SEMA4D: variants seen among roughly 807,000 people sequenced by gnomAD.
The protein encoded by SEMA4D is semaphorin-4D.
In SEMA4D, 22 loss-of-function variants were observed where a neutral mutation model predicts 74.8. The ratio of observed to expected loss-of-function variants is 0.29; its 90% confidence interval spans 0.21 to 0.42. The LOEUF (loss-of-function observed/expected upper bound fraction) is 0.42. Among genes scored for constraint, SEMA4D ranks in the 10% least tolerant of loss-of-function variants. The pLI, the probability that SEMA4D is intolerant of heterozygous loss-of-function variation, is 1.00. For synonymous variants in SEMA4D, 445 were observed against 463.7 expected (o/e 0.96, Z 0.52); for missense variants, 937 against 1,118.4 (o/e 0.84, Z 2.31).
intron 2 of SEMA4D, among the ~76,000 whole-genome samples, chr9:89,414,100 G>A (rs779338428): frequency 6.6e-6 from 1 of 152,212 alleles, no homozygotes; most frequent in Non-Finnish European, 1.5e-5. Flanking sequence ...TGGCAGCTAG[G>A]GTAGATTACA....
At chr9:89,460,446 TTCTTAC>T (rs1184497154) in intron 1 of SEMA4D, among the ~76,000 whole-genome samples, 5 of 152,356 alleles carry the variant, frequency 3.3e-5, no homozygotes, top group South Asian at 2.1e-4. Context: ...AGAAAGCCTC[TTCTTAC>T]TAAGTCTGGA....
chr9:89,447,646 C>A (rs953377857), intron 2 of SEMA4D, among the ~76,000 whole-genome samples: 1 of 152,186 alleles, frequency 6.6e-6, no homozygotes, highest in Admixed American at 6.5e-5. Flanking sequence ...CACCTCACAG[C>A]CTAACCGGGT....
At chr9:89,391,483 C>G in intron 8 of SEMA4D, 68 bp from the exon 9 acceptor site, 1 of 1,539,330 alleles carries the variant, frequency 6.5e-7, no homozygotes, top group South Asian at 1.1e-5. Flanking sequence ...CATGAGGTCA[C>G]GAGGCCGGCC....
At chr9:89,495,973 G>C (rs1825980890) in intron 1 of SEMA4D, among the ~76,000 whole-genome samples, 1 of 152,186 alleles carries the variant, frequency 6.6e-6, no homozygotes, top group Non-Finnish European at 1.5e-5. Context: ...CTGGCCATTA[G>C]CGTGCACTCC....
intron 18 of SEMA4D, chr9:89,362,541 C>A: frequency 6.3e-7 from 1 of 1,578,998 alleles, no homozygotes. Flanking sequence ...GGCCTCAGCC[C>A]CCTGTTGTGG....
rs759748107 is a variant in SEMA4D, at chr9:89,381,116, C to G, written c.1620-18G>C. The G allele has an allele frequency of 2.1e-5, 34 of 1,614,142 alleles. No homozygotes were observed. The highest frequency in any genetic ancestry group is 2.7e-5 in the Non-Finnish European group (32 of 1,180,042). On this transcript the variant is annotated intron_variant, in intron 14 of 15. Transcript: ENST00000422704. This position sits in a 1 kb window ranked among gnomAD's most constrained non-coding sequence, Gnocchi z 4.6. ...TCAAACCCCTGCAAAACAACCGGCACGTGTTATTCACCCACACACATGGGG... is the reference window on the plus strand; with the variant it reads ...TCAAACCCCTGCAAAACAACCGGCAGGTGTTATTCACCCACACACATGGGG...
intron 2 of SEMA4D, among the ~76,000 whole-genome samples, chr9:89,435,422 G>A (rs946133271): frequency 6.6e-6 from 1 of 152,180 alleles, no homozygotes. Flanking sequence ...CCAGTTCCCA[G>A]CCTTCTGGCT....
At chr9:89,466,256 A>G (rs1224097362) in intron 1 of SEMA4D, among the ~76,000 whole-genome samples, 1 of 152,190 alleles carries the variant, frequency 6.6e-6, no homozygotes, top group Non-Finnish European at 1.5e-5. Context: ...TGTACAAAAA[A>G]TAGGGTGATC....
intron 2 of SEMA4D, chr9:89,450,387 C>T (rs1174440424): frequency 2.7e-6 from 3 of 1,112,736 alleles, no homozygotes; most frequent in Non-Finnish European, 4.1e-6. Context: ...TGATGCCATG[C>T]CATTTACTTC....
rs181584666 is a variant in SEMA4D at position 89,364,035 on chromosome 9, T to C, written c.1883-85A>G. Reference sequence around the variant, plus strand: ...CATGAGGGTGCAGGGGGGTTACCTCTGCTGTCCCAGTTGGACCTGAAGTGA... The same window carrying C: ...CATGAGGGTGCAGGGGGGTTACCTCCGCTGTCCCAGTTGGACCTGAAGTGA... On this transcript the variant is annotated intron_variant, in intron 16 of 18. Transcript: ENST00000339861. 357 of 1,610,980 alleles carry C rather than the reference T, an allele frequency of 2.2e-4. 2 individuals are homozygous for C. The African/African-American group carries it at 4.3e-3, about 19-fold the overall frequency.
At chr9:89,409,404 G>C (rs1216473053) in intron 2 of SEMA4D, among the ~76,000 whole-genome samples, 1 of 152,174 alleles carries the variant, frequency 6.6e-6, no homozygotes, top group Non-Finnish European at 1.5e-5. Flanking sequence ...TCCAGATACA[G>C]ATGTCGGGTG....
exon 19 of SEMA4D, chr9:89,362,323 T>G: frequency 6.2e-7 from 1 of 1,613,214 alleles, no homozygotes; most frequent in Non-Finnish European, 8.5e-7. Flanking sequence ...GGACCAGGCC[T>G]TCTCCGGGGG....
chr9:89,385,870 GC>G (rs1838341660), intron 13 of SEMA4D: 3 of 287,828 alleles, frequency 1.0e-5, no homozygotes, highest in African/African-American at 4.4e-5. Context: ...GTGGATGCCC[GC>G]CCACCCACCC....
chr9:89,377,093 G>A (rs767139609), downstream of SEMA4D: 3 of 1,501,624 alleles, frequency 2.0e-6, no homozygotes, highest in Admixed American at 6.4e-5. Flanking sequence ...CACTGAGGAA[G>A]AAGTCGCCAG....
At chr9:89,486,818 G>A (rs1221411378) in intron 1 of SEMA4D, among the ~76,000 whole-genome samples, 3 of 152,148 alleles carry the variant, frequency 2.0e-5, no homozygotes, top group African/African-American at 7.2e-5. Flanking sequence ...GAGGCAGGAA[G>A]ATCACTTGAG....
intron 13 of SEMA4D, among the ~76,000 whole-genome samples, chr9:89,384,310 A>G (rs1014990335): frequency 3.3e-5 from 5 of 152,234 alleles, no homozygotes; most frequent in Admixed American, 2.0e-4. Context: ...ACGACAGAGG[A>G]GTATGTAGCC....
intron 7 of SEMA4D, 68 bp from the exon 8 acceptor site, chr9:89,392,604 C>A (rs367972146): frequency 2.1e-6 from 2 of 942,560 alleles, no homozygotes; most frequent in South Asian, 2.6e-5. Flanking sequence ...AACACTGGGA[C>A]AAACATTCAA....
intron 2 of SEMA4D, among the ~76,000 whole-genome samples, chr9:89,443,752 G>C (rs1852205039): frequency 6.6e-6 from 1 of 152,220 alleles, no homozygotes; most frequent in African/African-American, 2.4e-5. Flanking sequence ...GTGGGGCTGG[G>C]GTCACCAGTG....
downstream of SEMA4D, chr9:89,376,453 G>A (rs1280921617): frequency 6.2e-6 from 1 of 160,338 alleles, no homozygotes; most frequent in Middle Eastern, 2.9e-3. Flanking sequence ...CTGGCCCACC[G>A]TGCATTTTTA....
Sources: allele counts gnomAD v4.1 joint callset (sites outside exome capture counted in the v4.1 genomes callset), GRCh38; gene constraint gnomAD v4.1.1; non-coding constraint Gnocchi (gnomAD v3.1); transcripts MANE v1.5; gene names NCBI Gene and HGNC (gene_info 2026-07-23, HGNC 2026-07-21).